Variants in ZNF793 observed in about 807,000 individuals in gnomAD.
The protein encoded by ZNF793 is zinc finger protein 793.
Under a neutral mutation model 12.4 loss-of-function variants are expected in ZNF793, and 5 were observed. That is an observed-to-expected ratio of 0.40 (90% CI 0.21 to 0.84). ZNF793 has a LOEUF of 0.84. Ranked by LOEUF, ZNF793 falls within the 40% of genes least tolerant of loss-of-function variation. The probability of loss-of-function intolerance (pLI) is 0.35; values close to 1 mark genes in which losing one functional copy is unlikely to be tolerated. For missense variants in ZNF793, 456 were observed against 495.0 expected, an observed-to-expected ratio of 0.92 and a Z score of 0.75; for synonymous variants, 162 against 172.4, an observed-to-expected ratio of 0.94 and a Z score of 0.47.
intron 2 of ZNF793, among the ~76,000 whole-genome samples, chr19:37,516,045 C>A (rs1014216210): frequency 6.6e-6 from 1 of 151,400 alleles, no homozygotes; most frequent in Non-Finnish European, 1.5e-5. Flanking sequence ...GAGGCTACGA[C>A]CTAAGAGGAA....
rs142487686 is a variant in ZNF793 at position 37,527,094 on chromosome 19, T to G, written c.15+3640T>G. Among the ~76,000 whole-genome samples the G allele has an allele frequency of 4.8e-3, 725 of 152,310 alleles. 3 individuals are homozygous for G. The highest frequency in any genetic ancestry group is 0.017 in the African/African-American group (689 of 41,576). ...TCCTGAGTAGCTGGAATTATAGGCA[T>G]GCACCATCACGCCCGGCTAAGTTTT... On this transcript the variant is annotated intron_variant, in intron 5 of 7. Coordinates refer to ENST00000627814, the MANE Select transcript of ZNF793 (RefSeq NM_001013659.3).
chr19:37,526,719 T>C (rs116749778), intron 5 of ZNF793, among the ~76,000 whole-genome samples: 66 of 152,288 alleles, frequency 4.3e-4, no homozygotes, highest in African/African-American at 1.5e-3. Flanking sequence ...CTACTACTGC[T>C]CAGGTGCTGC....
Position 37,537,801 on chromosome 19 carries a change from C to A in ZNF793, c.1143C>A (p.Asn381Lys), listed in dbSNP as rs374379549. The change falls in exon 8 of 8, where the codon AAC becomes AAA. Residue 381 changes from asparagine (N) to lysine (K), a missense_variant. By Grantham distance (94) the Asn-to-Lys change is moderately conservative. Transcript: ENST00000627814. ...ECGKAFYQKPNLSRHQKIHAR... is the reference protein window; with the variant it reads ...ECGKAFYQKPKLSRHQKIHAR... ...GGAAAGCTTTCTACCAGAAGCCAAA[C>A]CTCAGCAGACATCAGAAAATTCATG... is the stretch of plus-strand genomic sequence containing the variant. 67 of 1,613,730 alleles carry A rather than the reference C, an allele frequency of 4.2e-5. No individual in the cohort carries two copies. Among genetic ancestry groups the A allele is most frequent in the Non-Finnish European group, 4.1e-5 (48 of 1,179,832 alleles).
rs2042526167 is a variant in ZNF793 at position 37,538,191 on chromosome 19, A to AG, written c.*314dup. 3 of 246,514 alleles carry AG rather than the reference A, an allele frequency of 1.2e-5. No individual in the cohort carries two copies. The South Asian group carries it at 2.4e-4, about 20-fold the overall frequency. The allele number at this position is 246,514 out of a possible 1,614,324, so 15.3% of individuals were successfully genotyped here. On this transcript the variant is annotated 3_prime_UTR_variant, in exon 8 of 8. Coordinates refer to ENST00000627814, the MANE Select transcript of ZNF793 (RefSeq NM_001013659.3). ...TGTCCTCCCAAAGTGCTGGGATTAC[A>AG]GGCGTGAGCCACCGCGCCTGGCCGG...
At chr19:37,525,949 G>A (rs1250845801) in intron 5 of ZNF793, among the ~76,000 whole-genome samples, 1 of 152,066 alleles carries the variant, frequency 6.6e-6, no homozygotes, top group Non-Finnish European at 1.5e-5. Flanking sequence ...GCCCCCAAGG[G>A]CCCTGTGTCC....
At chr19:37,514,667 T>A (rs983540435) in intron 2 of ZNF793, among the ~76,000 whole-genome samples, 6 of 152,068 alleles carry the variant, frequency 3.9e-5, no homozygotes, top group Admixed American at 6.6e-5. Context: ...CTTTTTTTTT[T>A]ATATAAAGCC....
At chr19:37,523,343 G>A in intron 4 of ZNF793, 67 bp from the exon 5 acceptor site, 1 of 1,284,810 alleles carries the variant, frequency 7.8e-7, no homozygotes, top group Non-Finnish European at 1.1e-6. Context: ...TCCAAGACAG[G>A]CCTAGCTCTT....
chr19:37,513,083 G>A (rs2042305972), intron 2 of ZNF793, among the ~76,000 whole-genome samples: 1 of 152,110 alleles, frequency 6.6e-6, no homozygotes, highest in South Asian at 2.1e-4. Context: ...CCTTCTCAAT[G>A]TACCATACCA....
intron 2 of ZNF793, among the ~76,000 whole-genome samples, chr19:37,519,566 CATATTT>C (rs2042359524): frequency 6.6e-6 from 1 of 152,068 alleles, no homozygotes; most frequent in Admixed American, 6.6e-5. Flanking sequence ...ACTATAAAAA[CATATTT>C]ATAACAAATA....
intron 2 of ZNF793, among the ~76,000 whole-genome samples, chr19:37,509,442 A>G (rs2042276150): frequency 1.3e-5 from 2 of 152,264 alleles, no homozygotes; most frequent in Admixed American, 6.5e-5. Flanking sequence ...ATCTTTATGT[A>G]ACCTTCAGAC....
At position 37,537,752 on chromosome 19, in the gene ZNF793, A is replaced by G; in HGVS notation, c.1094A>G (p.Lys365Arg). The G allele has an allele frequency of 1.2e-6, 2 of 1,614,146 alleles. No homozygotes were observed. Among genetic ancestry groups the G allele is most frequent in the Non-Finnish European group, 1.7e-6 (2 of 1,179,992 alleles). ...CATTGGAGAACTCACACAGGAGAGA[A>G]GCCCTATGGGTGCAATGAATGTGGG... Reference protein sequence around the residue: ...NKHWRTHTGEKPYGCNECGKA... With the variant: ...NKHWRTHTGERPYGCNECGKA... Residue 365 changes from lysine (K) to arginine (R), a missense_variant, in exon 8 of 8, where the codon AAG becomes AGG. Coordinates refer to ENST00000627814, the MANE Select transcript of ZNF793 (RefSeq NM_001013659.3).
rs1052442969 is a variant in ZNF793 at position 37,538,324 on chromosome 19, A to C, written c.*445A>C. The C allele has an allele frequency of 6.5e-6, 1 of 153,926 alleles. No individual in the cohort carries two copies. Among genetic ancestry groups the C allele is most frequent in the African/African-American group, 2.4e-5 (1 of 41,408 alleles). The allele number at this position is 153,926 out of a possible 1,614,324, so 9.5% of individuals were successfully genotyped here. ...TTTTGAGTTGTATTCTCTGTTTCCCAGGCTGGAGTGCAATGGCACTATCTC... is the reference window on the plus strand; with the variant it reads ...TTTTGAGTTGTATTCTCTGTTTCCCCGGCTGGAGTGCAATGGCACTATCTC... On this transcript the variant is annotated 3_prime_UTR_variant, in exon 8 of 8. Transcript: ENST00000627814.
At chr19:37,516,462 G>C (rs1427704173) in intron 2 of ZNF793, among the ~76,000 whole-genome samples, 4 of 151,608 alleles carry the variant, frequency 2.6e-5, no homozygotes, top group Admixed American at 2.0e-4. Flanking sequence ...TTGTGACTGA[G>C]AGCATCCAGA....
intron 6 of ZNF793, among the ~76,000 whole-genome samples, chr19:37,532,718 C>T (rs1187589549): frequency 6.6e-6 from 1 of 151,982 alleles, no homozygotes; most frequent in Non-Finnish European, 1.5e-5. Context: ...ACTCAGGAGG[C>T]TAAGGCAGGA....
intron 2 of ZNF793, among the ~76,000 whole-genome samples, chr19:37,519,565 A>C (rs1457484807): frequency 6.6e-6 from 1 of 152,222 alleles, no homozygotes; most frequent in East Asian, 1.9e-4. Flanking sequence ...TACTATAAAA[A>C]CATATTTATA....
chr19:37,521,579 G>T (rs1015338977), intron 3 of ZNF793, among the ~76,000 whole-genome samples: 1 of 151,802 alleles, frequency 6.6e-6, no homozygotes, highest in Admixed American at 6.6e-5. Flanking sequence ...GAGTAGCTGG[G>T]ATTATAGGCA....
chr19:37,515,376 C>T (rs1198464095), intron 2 of ZNF793, among the ~76,000 whole-genome samples: 1 of 151,374 alleles, frequency 6.6e-6, no homozygotes, highest in African/African-American at 2.4e-5. Context: ...GGCGCAATCT[C>T]AGCTCACTGC....
intron 5 of ZNF793, among the ~76,000 whole-genome samples, chr19:37,529,674 G>T (rs770504718): frequency 4.6e-5 from 7 of 152,062 alleles, no homozygotes; most frequent in Non-Finnish European, 1.0e-4. Context: ...TGTATTTTTA[G>T]TAGAGGTAGG....
intron 2 of ZNF793, among the ~76,000 whole-genome samples, chr19:37,510,779 C>A (rs1438814814): frequency 6.6e-6 from 1 of 151,606 alleles, no homozygotes; most frequent in African/African-American, 2.4e-5. Context: ...TTACTGCAAC[C>A]CCTGCCTCCC....
Sources: allele counts gnomAD v4.1 joint callset (sites outside exome capture counted in the v4.1 genomes callset), GRCh38; gene constraint gnomAD v4.1.1; transcripts MANE v1.5; gene names NCBI Gene and HGNC (gene_info 2026-07-23, HGNC 2026-07-21).